The following VOPP1 variants were observed in gnomAD, a reference collection of about 807,000 sequenced individuals.
VOPP1 encodes VOPP1 WW domain binding protein, also known as WW domain binding protein VOPP1.
VOPP1 carries 8 observed loss-of-function variants against 23.5 expected under a neutral mutation model. The ratio of observed to expected loss-of-function variants is 0.34; its 90% confidence interval spans 0.20 to 0.61. The LOEUF is 0.61. Ranked by LOEUF, VOPP1 falls within the 20% of genes least tolerant of loss-of-function variation. The probability of loss-of-function intolerance (pLI) is 0.78; values close to 1 mark genes in which losing one functional copy is unlikely to be tolerated. For missense variants in VOPP1, 174 were observed against 238.1 expected (o/e 0.73, Z 1.77); for synonymous variants, 83 against 97.3 (o/e 0.85, Z 0.86).
chr7:55,508,183 T>G (rs951804444), intron 2 of VOPP1, among the ~76,000 whole-genome samples: 1 of 152,206 alleles, frequency 6.6e-6, no homozygotes, highest in African/African-American at 2.4e-5. Context: ...GGAGCCCAGA[T>G]GCACCCAGAG....
At chr7:55,569,887 G>C (rs1353891900) in intron 1 of VOPP1, among the ~76,000 whole-genome samples, 1 of 152,114 alleles carries the variant, frequency 6.6e-6, no homozygotes, top group Non-Finnish European at 1.5e-5. Flanking sequence ...CAGGGTGCTG[G>C]GGGTGGGAAC....
intron 4 of VOPP1, among the ~76,000 whole-genome samples, chr7:55,489,094 A>G (rs1339101188): frequency 6.6e-6 from 1 of 152,210 alleles, no homozygotes; most frequent in African/African-American, 2.4e-5. Context: ...GACCCTGCAG[A>G]CCCCATTCTT....
At chr7:55,548,412 C>T (rs1020511331) in intron 1 of VOPP1, among the ~76,000 whole-genome samples, 2 of 152,238 alleles carry the variant, frequency 1.3e-5, no homozygotes, top group African/African-American at 4.8e-5. Flanking sequence ...GCCCTCTGCC[C>T]CTCCGGACTC....
chr7:55,516,370 T>C (rs1204988532), intron 2 of VOPP1, among the ~76,000 whole-genome samples: 1 of 152,102 alleles, frequency 6.6e-6, no homozygotes, highest in Admixed American at 6.5e-5. Context: ...TGGAAAAATA[T>C]CAAATTAAGG....
intron 2 of VOPP1, among the ~76,000 whole-genome samples, chr7:55,504,466 G>A (rs947696467): frequency 5.9e-5 from 9 of 152,148 alleles, no homozygotes; most frequent in East Asian, 3.9e-4. Context: ...AGGAAGACTC[G>A]GTCCTTAGCC....
At chr7:55,464,337 C>A (rs1791581120) in intron 4 of VOPP1, among the ~76,000 whole-genome samples, 1 of 152,080 alleles carries the variant, frequency 6.6e-6, no homozygotes, top group African/African-American at 2.4e-5. Context: ...TCCTCAGGTC[C>A]CCTTTATGGC....
intron 1 of VOPP1, among the ~76,000 whole-genome samples, chr7:55,547,876 G>A (rs1339259077): frequency 6.6e-6 from 1 of 152,140 alleles, no homozygotes; most frequent in Admixed American, 6.5e-5. Context: ...GCTGTGCCCT[G>A]AGCCTGCAGG....
intron 4 of VOPP1, among the ~76,000 whole-genome samples, chr7:55,474,500 T>C (rs574637888): frequency 2.6e-5 from 4 of 152,138 alleles, no homozygotes; most frequent in Non-Finnish European, 5.9e-5. Context: ...TGGCCTGGGA[T>C]TGACTCGATG....
intron 1 of VOPP1, among the ~76,000 whole-genome samples, chr7:55,535,327 A>G (rs1196712111): frequency 6.6e-6 from 1 of 152,204 alleles, no homozygotes. Flanking sequence ...GCTTCATTAC[A>G]CAAACAAGCA....
At chr7:55,452,910 C>T (rs1168602313) in intron 4 of VOPP1, among the ~76,000 whole-genome samples, 1 of 152,196 alleles carries the variant, frequency 6.6e-6, no homozygotes, top group Non-Finnish European at 1.5e-5. Context: ...TTCAACTTAG[C>T]TCACCAACTA....
intron 4 of VOPP1, among the ~76,000 whole-genome samples, chr7:55,464,436 T>G (rs957395226): frequency 6.6e-6 from 1 of 151,966 alleles, no homozygotes; most frequent in Non-Finnish European, 1.5e-5. Context: ...CCAGGTCCCT[T>G]GAAGGTATCT....
intron 4 of VOPP1, among the ~76,000 whole-genome samples, chr7:55,486,492 A>G (rs1028923494): frequency 9.2e-5 from 14 of 152,190 alleles, no homozygotes; most frequent in Middle Eastern, 3.2e-3. Flanking sequence ...CCGCGTAAGA[A>G]TAACGGAGAC....
chr7:55,532,049 T>A (rs1215646227), intron 1 of VOPP1, among the ~76,000 whole-genome samples: 1 of 152,238 alleles, frequency 6.6e-6, no homozygotes, highest in East Asian at 1.9e-4. Flanking sequence ...CTACCCTACC[T>A]ATTTGACTTC....
At chr7:55,492,177 T>G in intron 4 of VOPP1, 105 bp downstream of exon 4, 1 of 1,421,758 alleles carries the variant, frequency 7.0e-7, no homozygotes, top group East Asian at 2.5e-5. Context: ...ATAACACACC[T>G]GAGCGCTCTC....
intron 2 of VOPP1, among the ~76,000 whole-genome samples, chr7:55,519,367 A>G (rs1303838749): frequency 6.6e-6 from 1 of 152,226 alleles, no homozygotes; most frequent in Non-Finnish European, 1.5e-5. Context: ...TAAAGAACAA[A>G]TGAACAAGTC....
intron 1 of VOPP1, among the ~76,000 whole-genome samples, chr7:55,536,385 C>G (rs1368914328): frequency 6.6e-6 from 1 of 152,004 alleles, no homozygotes; most frequent in African/African-American, 2.4e-5. Flanking sequence ...AAAAATTAGC[C>G]CGGTGTGGTG....
At chr7:55,547,472 C>T (rs1797418312) in intron 1 of VOPP1, among the ~76,000 whole-genome samples, 1 of 152,138 alleles carries the variant, frequency 6.6e-6, no homozygotes, top group Non-Finnish European at 1.5e-5. Flanking sequence ...CTCTGCATAC[C>T]AATAAACCTT....
intron 2 of VOPP1, among the ~76,000 whole-genome samples, chr7:55,520,204 T>C (rs879629231): frequency 7.2e-5 from 11 of 152,202 alleles, no homozygotes; most frequent in Non-Finnish European, 1.5e-4. Context: ...TTTCCTATTA[T>C]TATATATCTC....
intron 2 of VOPP1, among the ~76,000 whole-genome samples, chr7:55,507,342 T>G (rs892463479): frequency 3.3e-5 from 5 of 152,170 alleles, no homozygotes; most frequent in African/African-American, 1.2e-4. Flanking sequence ...GACTCTTTTC[T>G]TGGTGCTGGG....
Sources: allele counts gnomAD v4.1 joint callset (sites outside exome capture counted in the v4.1 genomes callset), GRCh38; gene constraint gnomAD v4.1.1; transcripts MANE v1.5; gene names NCBI Gene and HGNC (gene_info 2026-07-23, HGNC 2026-07-21).